PCGF6: variants seen among roughly 807,000 people sequenced by gnomAD.
The protein encoded by PCGF6 is polycomb group ring finger 6.
PCGF6 carries 24 observed loss-of-function variants against 45.5 expected under a neutral mutation model. The ratio of observed to expected loss-of-function variants is 0.53; its 90% CI spans 0.38 to 0.74. PCGF6 has a LOEUF of 0.74. Among genes scored for constraint, PCGF6 ranks in the 30% least tolerant of loss-of-function variants. The pLI, the probability that PCGF6 is intolerant of heterozygous loss-of-function variation, is 0.00. For missense variants in PCGF6, 356 were observed against 443.2 expected (o/e 0.80, Z 1.77); for synonymous variants, 152 against 162.1 (o/e 0.94, Z 0.47).
chr10:103,326,076 G>A (rs950133911), intron 8 of PCGF6, among the ~76,000 whole-genome samples: 2 of 152,058 alleles, frequency 1.3e-5, no homozygotes, highest in Non-Finnish European at 1.5e-5. Context: ...AGCTGGAGGT[G>A]TGAATCACTA....
chr10:103,322,903 C>CAAAAAAAAAAAAAA (rs921634174), intron 8 of PCGF6, among the ~76,000 whole-genome samples: 1 of 137,732 alleles, frequency 7.3e-6, no homozygotes, highest in African/African-American at 2.7e-5. Flanking sequence ...AAACAAAAAA[C>CAAAAAAAAAAAAAA]AAAAAAAAAA....
intron 9 of PCGF6, among the ~76,000 whole-genome samples, chr10:103,307,908 C>T (rs1225850763): frequency 6.6e-6 from 1 of 152,142 alleles, no homozygotes; most frequent in Non-Finnish European, 1.5e-5. Context: ...TTGTGGAAAT[C>T]TTTATTGAAT....
chr10:103,324,897 G>C (rs1196632563), intron 8 of PCGF6, among the ~76,000 whole-genome samples: 2 of 151,692 alleles, frequency 1.3e-5, no homozygotes, highest in African/African-American at 2.4e-5. Context: ...CACATTGGGA[G>C]GCCGAGGTAG....
chr10:103,335,533 T>C (rs2093253561), intron 6 of PCGF6, among the ~76,000 whole-genome samples: 2 of 152,048 alleles, frequency 1.3e-5, no homozygotes, highest in African/African-American at 4.8e-5. Flanking sequence ...CGGCTAATTT[T>C]TGTATTTTTA....
At chr10:103,347,874 T>C (rs758492833) in intron 3 of PCGF6, among the ~76,000 whole-genome samples, 1 of 152,196 alleles carries the variant, frequency 6.6e-6, no homozygotes, top group Non-Finnish European at 1.5e-5. Flanking sequence ...TTTATTCCCT[T>C]CATAAGAATA....
chr10:103,323,366 G>C (rs958571656), intron 8 of PCGF6, among the ~76,000 whole-genome samples: 1 of 151,838 alleles, frequency 6.6e-6, no homozygotes, highest in South Asian at 2.1e-4. Flanking sequence ...GCGCCATCTC[G>C]GCTCACTGCA....
intron 8 of PCGF6, among the ~76,000 whole-genome samples, chr10:103,316,621 G>C (rs535477136): frequency 9.2e-4 from 140 of 152,282 alleles, no homozygotes; most frequent in African/African-American, 3.1e-3. Flanking sequence ...TGCCATCTCA[G>C]GGGTCGGCAA....
At chr10:103,328,697 C>G (rs1344773393) in intron 7 of PCGF6, among the ~76,000 whole-genome samples, 1 of 152,126 alleles carries the variant, frequency 6.6e-6, no homozygotes, top group African/African-American at 2.4e-5. Flanking sequence ...AGCCATTTGT[C>G]TCTAAGATTA....
chr10:103,344,489 T>C (rs2093292278), intron 6 of PCGF6, among the ~76,000 whole-genome samples: 2 of 151,686 alleles, frequency 1.3e-5, no homozygotes, highest in African/African-American at 2.4e-5. Context: ...AGGCTGGTCT[T>C]GAAATCCTGA....
At chr10:103,332,353 C>T (rs532991540) in intron 7 of PCGF6, among the ~76,000 whole-genome samples, 18 of 152,290 alleles carry the variant, frequency 1.2e-4, no homozygotes, top group Non-Finnish European at 2.1e-4. Context: ...AATCACAGCT[C>T]ACTGCAGCCT....
At chr10:103,338,662 T>G (rs1162936868) in intron 6 of PCGF6, among the ~76,000 whole-genome samples, 1 of 149,808 alleles carries the variant, frequency 6.7e-6, no homozygotes, top group Non-Finnish European at 1.5e-5. Context: ...AGGTCAGGAG[T>G]TCGAGACCAG....
intron 4 of PCGF6, 23 bp downstream of exon 4, chr10:103,347,372 A>G (rs1269193923): frequency 1.3e-6 from 2 of 1,592,624 alleles, no homozygotes; most frequent in East Asian, 2.2e-5. Context: ...GGGATTCACA[A>G]CCATGTAATA....
intron 9 of PCGF6, among the ~76,000 whole-genome samples, chr10:103,311,039 T>C (rs574220629): frequency 2.6e-5 from 4 of 152,296 alleles, no homozygotes; most frequent in South Asian, 4.1e-4. Context: ...CTCGCTATAC[T>C]GCCCAGGCAA....
intron 9 of PCGF6, among the ~76,000 whole-genome samples, chr10:103,307,875 G>A (rs2093143390): frequency 6.6e-6 from 1 of 152,098 alleles, no homozygotes; most frequent in Non-Finnish European, 1.5e-5. Flanking sequence ...ATATATATTT[G>A]CAGACTTAAT....
intron 8 of PCGF6, among the ~76,000 whole-genome samples, chr10:103,321,100 A>G (rs1483606888): frequency 6.6e-6 from 1 of 152,220 alleles, no homozygotes. Flanking sequence ...ATTACCAGCT[A>G]TACAGTAGCT....
intron 7 of PCGF6, among the ~76,000 whole-genome samples, chr10:103,327,767 C>T (rs1160105873): frequency 6.6e-6 from 1 of 151,842 alleles, no homozygotes; most frequent in Non-Finnish European, 1.5e-5. Flanking sequence ...CTCCGCCTCC[C>T]GGGTTCACGC....
intron 6 of PCGF6, among the ~76,000 whole-genome samples, chr10:103,339,810 AAC>A (rs201660003): frequency 0.024 from 784 of 32,178 alleles, 13 homozygotes; most frequent in East Asian, 0.074. Context: ...TCAAAAAAAA[AAC>A]ACACACACAC....
intron 9 of PCGF6, among the ~76,000 whole-genome samples, chr10:103,305,381 C>T (rs1273380887): frequency 1.3e-5 from 2 of 152,090 alleles, no homozygotes; most frequent in Admixed American, 6.6e-5. Flanking sequence ...AGCGATTCTC[C>T]TGCCTCAGCC....
chr10:103,339,421 A>T (rs2093270215), intron 6 of PCGF6, among the ~76,000 whole-genome samples: 1 of 151,870 alleles, frequency 6.6e-6, no homozygotes, highest in South Asian at 2.1e-4. Context: ...GGACTGTCTT[A>T]GGAGGTACAC....
Sources: allele counts gnomAD v4.1 joint callset (sites outside exome capture counted in the v4.1 genomes callset), GRCh38; gene constraint gnomAD v4.1.1; transcripts MANE v1.5; gene names NCBI Gene and HGNC (gene_info 2026-07-23, HGNC 2026-07-21).